The following ITGA9 variants were observed in gnomAD, a reference collection of about 807,000 sequenced individuals.
The protein encoded by ITGA9 is integrin subunit alpha 9, also known as integrin alpha-9.
In ITGA9, 56 loss-of-function variants were observed where a neutral mutation model predicts 127.8. The ratio of observed to expected loss-of-function variants is 0.44; its 90% CI spans 0.35 to 0.55. ITGA9 has a LOEUF of 0.55. Ranked by LOEUF, ITGA9 falls within the 20% of genes least tolerant of loss-of-function variation. The pLI is 0.00. For missense variants in ITGA9, 1,196 were observed against 1,347.1 expected (o/e 0.89, Z 1.76); for synonymous variants, 508 against 514.5 (o/e 0.99, Z 0.17).
rs775360540 is a variant in ITGA9, at chr3:37,803,843, C to T, written c.2910C>T (p.His970=). ...CCTAGGTGGTCTTCGAGGCCCTGCA[C>T]AATCTGGAGCCCCGTGGCTACGTCG... is the stretch of plus-strand genomic sequence containing the variant. The part of the protein sequence containing the change: ...EEVTVVFEAL[H]NLEPRGYVVG... Residue 970 remains histidine (H), a synonymous_variant, in exon 27 of 28, where the codon CAC becomes CAT. Coordinates refer to ENST00000264741, the MANE Select transcript of ITGA9 (RefSeq NM_002207.3). 1.9e-6 allele frequency: 3 copies of T among 1,614,170 alleles called. No individual in the cohort carries two copies. The highest frequency in any genetic ancestry group is 1.7e-6 in the Non-Finnish European group (2 of 1,180,024).
chr3:37,507,515 T>A (rs1462800426), intron 7 of ITGA9, among the ~76,000 whole-genome samples: 2 of 152,096 alleles, frequency 1.3e-5, no homozygotes, highest in Non-Finnish European at 2.9e-5. Flanking sequence ...CGCAAACCCC[T>A]CTCACTGGCT....
At position 37,788,584 on chromosome 3, in the gene ITGA9, A is replaced by T. The variant is rs189476935; in HGVS notation, c.2889+3506A>T. On this transcript the variant is annotated intron_variant, in intron 26 of 27. Transcript: ENST00000264741. ...ACAGTCTCCCAAAGATCCCACAAGC[A>T]GTAATATATTAGGCAGAGCTAAACT... Among the ~76,000 whole-genome samples the T allele has an allele frequency of 2.3e-4, 35 of 152,314 alleles. 1 individual carries two copies. Among genetic ancestry groups the T allele is most frequent in the Admixed American group, 2.2e-3 (34 of 15,294 alleles).
chr3:37,645,650 A>C (rs1386736216), intron 16 of ITGA9, among the ~76,000 whole-genome samples: 2 of 152,134 alleles, frequency 1.3e-5, no homozygotes, highest in Non-Finnish European at 2.9e-5. Context: ...CAATTCTTCT[A>C]CTTTTTTTAG....
chr3:37,538,150 C>T (rs1699229350), intron 14 of ITGA9, among the ~76,000 whole-genome samples: 1 of 152,256 alleles, frequency 6.6e-6, no homozygotes. Flanking sequence ...TTGCATTTTG[C>T]ACTCTGACCC....
At chr3:37,596,320 G>A (rs1055393081) in intron 15 of ITGA9, among the ~76,000 whole-genome samples, 3 of 152,134 alleles carry the variant, frequency 2.0e-5, no homozygotes, top group Non-Finnish European at 4.4e-5. Flanking sequence ...AACATCGAAG[G>A]TACAGAAGGA....
At chr3:37,515,939 A>G (rs2125578430) in intron 9 of ITGA9, among the ~76,000 whole-genome samples, 1 of 152,302 alleles carries the variant, frequency 6.6e-6, no homozygotes, top group South Asian at 2.1e-4. Context: ...TACCTGTTGC[A>G]GGAACTCTTG....
intron 15 of ITGA9, among the ~76,000 whole-genome samples, chr3:37,619,666 G>A (rs1230368981): frequency 1.3e-5 from 2 of 152,186 alleles, no homozygotes; most frequent in African/African-American, 2.4e-5. Flanking sequence ...CACAGTTTTT[G>A]TCAGTTAGGA....
rs145334938 is a variant in ITGA9, at chr3:37,629,207, C to G, written c.1710C>G (p.Ile570Met). Residue 570 changes from isoleucine to methionine, a missense_variant, in exon 16 of 28, where the codon ATC becomes ATG. Ile to Met is a conservative substitution (Grantham distance 10). Coordinates refer to ENST00000264741, the MANE Select transcript of ITGA9 (RefSeq NM_002207.3). This position sits in a 1 kb window ranked among gnomAD's most constrained non-coding sequence, Gnocchi z 4.5. ...AHVKRRVQDV[I>M]SPIVFEAAYS... ...TTCAGCGGAGGGTGCAGGACGTCAT[C>G]AGCCCGATCGTGTTTGAAGCAGCCT... 2.5e-6 allele frequency: 4 copies of G among 1,613,056 alleles called. No homozygotes were observed. Among genetic ancestry groups the G allele is most frequent in the Non-Finnish European group, 3.4e-6 (4 of 1,179,894 alleles).
intron 20 of ITGA9, among the ~76,000 whole-genome samples, chr3:37,740,361 T>G (rs1489063356): frequency 6.6e-6 from 1 of 152,154 alleles, no homozygotes; most frequent in Admixed American, 6.5e-5. Context: ...TTCAAGAACA[T>G]GTACCCAAGA....
At chr3:37,816,709 T>TG (rs935447523) in intron 27 of ITGA9, among the ~76,000 whole-genome samples, 5 of 152,062 alleles carry the variant, frequency 3.3e-5, no homozygotes, top group African/African-American at 9.7e-5. Flanking sequence ...AGTATATGTG[T>TG]GGGGGCGTCA....
At chr3:37,605,133 C>T (rs980885318) in intron 15 of ITGA9, among the ~76,000 whole-genome samples, 6 of 152,088 alleles carry the variant, frequency 3.9e-5, no homozygotes, top group Non-Finnish European at 8.8e-5. Context: ...AAGTGTTGGT[C>T]AGGGAAGCAT....
At chr3:37,476,784 A>G (rs894633602) in intron 3 of ITGA9, among the ~76,000 whole-genome samples, 6 of 152,162 alleles carry the variant, frequency 3.9e-5, no homozygotes, top group South Asian at 4.2e-4. Context: ...TGTATAATTT[A>G]TTTTGTGGCC....
intron 1 of ITGA9, 51 bp from the exon 2 acceptor site, chr3:37,470,956 C>T (rs1257928751): frequency 1.2e-6 from 2 of 1,609,904 alleles, no homozygotes; most frequent in Non-Finnish European, 1.7e-6. Flanking sequence ...CCATCTGCCT[C>T]CTATTTTCTT....
At chr3:37,695,954 A>G (rs1700881000) in intron 18 of ITGA9, among the ~76,000 whole-genome samples, 1 of 152,166 alleles carries the variant, frequency 6.6e-6, no homozygotes, top group South Asian at 2.1e-4. Flanking sequence ...TTTCATCTCC[A>G]TACTCCAAGG....
At chr3:37,552,644 T>C (rs1699389070) in intron 15 of ITGA9, among the ~76,000 whole-genome samples, 1 of 152,170 alleles carries the variant, frequency 6.6e-6, no homozygotes, top group Non-Finnish European at 1.5e-5. Context: ...CTTTCTCTCT[T>C]GGGCGTATGC....
intron 18 of ITGA9, among the ~76,000 whole-genome samples, chr3:37,729,485 TA>T (rs1322790999): frequency 1.3e-5 from 2 of 152,128 alleles, no homozygotes; most frequent in East Asian, 3.8e-4. Flanking sequence ...CAGAAATAGT[TA>T]AATAAATGCT....
chr3:37,453,264 A>G (rs1698221099), intron 1 of ITGA9, among the ~76,000 whole-genome samples: 1 of 152,160 alleles, frequency 6.6e-6, no homozygotes, highest in Non-Finnish European at 1.5e-5. Context: ...CCTGAGTCTC[A>G]TCTCATATGG....
At chr3:37,774,739 AAAC>A (rs757794216) in intron 23 of ITGA9, among the ~76,000 whole-genome samples, 11 of 152,010 alleles carry the variant, frequency 7.2e-5, no homozygotes, top group Non-Finnish European at 1.2e-4. Flanking sequence ...AAAAAACAAA[AAAC>A]AAAATTTCCA....
At chr3:37,509,817 C>T (rs138074034) in intron 8 of ITGA9, among the ~76,000 whole-genome samples, 1 of 152,002 alleles carries the variant, frequency 6.6e-6, no homozygotes, top group Non-Finnish European at 1.5e-5. Context: ...TTCCAAGCAC[C>T]CTTAAAGTTA....
Sources: gnomAD v4.1 joint callset for allele counts (sites outside exome capture counted in the v4.1 genomes callset) on GRCh38, gnomAD v4.1.1 for gene constraint, Gnocchi (gnomAD v3.1) non-coding constraint, MANE v1.5 for transcripts, NCBI Gene and HGNC (gene_info 2026-07-23, HGNC 2026-07-21) for gene names.